The following SGMS1 variants were observed in gnomAD, a reference collection of about 807,000 sequenced individuals.
The protein encoded by SGMS1 is phosphatidylcholine:ceramide cholinephosphotransferase 1.
A neutral mutation model predicts 46.2 loss-of-function variants in SGMS1; 13 were observed. The ratio of observed to expected loss-of-function variants is 0.28; its 90% CI spans 0.18 to 0.45. The LOEUF (loss-of-function observed/expected upper bound fraction) is 0.45, where lower values mean the gene tolerates loss of function less well. Ranked by LOEUF, SGMS1 falls within the 20% of genes least tolerant of loss-of-function variation. SGMS1 has a pLI of 1.00. For missense variants in SGMS1, 324 were observed against 519.9 expected, an observed-to-expected ratio of 0.62 and a Z score of 3.66; for synonymous variants, 203 against 187.8, an observed-to-expected ratio of 1.08 and a Z score of -0.66.
chr10:50,389,140 A>G (rs1848728593), intron 6 of SGMS1, among the ~76,000 whole-genome samples: 2 of 152,192 alleles, frequency 1.3e-5, no homozygotes. Flanking sequence ...AAAAATATCA[A>G]CTGTCTTCCT....
chr10:50,319,709 C>T (rs1324308969), intron 8 of SGMS1, among the ~76,000 whole-genome samples: 1 of 152,138 alleles, frequency 6.6e-6, no homozygotes, highest in Non-Finnish European at 1.5e-5. Flanking sequence ...GGAGTATTCC[C>T]GAGATGATGC....
intron 3 of SGMS1, among the ~76,000 whole-genome samples, chr10:50,491,412 C>T (rs1380490897): frequency 6.6e-6 from 1 of 152,150 alleles, no homozygotes; most frequent in Non-Finnish European, 1.5e-5. Flanking sequence ...CTAATAGATA[C>T]TCAGCACATT....
intron 9 of SGMS1, among the ~76,000 whole-genome samples, chr10:50,309,844 C>T (rs1468325300): frequency 9.2e-5 from 14 of 152,146 alleles, no homozygotes. Context: ...CATAATCCAT[C>T]CTGTTATCTG....
chr10:50,621,690 C>T (rs1050896727), intron 1 of SGMS1, among the ~76,000 whole-genome samples: 15 of 152,136 alleles, frequency 9.9e-5, no homozygotes, highest in Non-Finnish European at 1.6e-4. Flanking sequence ...AAAAAGTTTC[C>T]GGAAATTTCA....
intron 6 of SGMS1, among the ~76,000 whole-genome samples, chr10:50,352,798 T>C (rs1351803266): frequency 2.0e-5 from 3 of 152,180 alleles, no homozygotes; most frequent in African/African-American, 2.4e-5. Context: ...CATCAGAGAA[T>C]ACTATAAACA....
intron 1 of SGMS1, among the ~76,000 whole-genome samples, chr10:50,602,732 G>A (rs1838659998): frequency 6.6e-6 from 1 of 152,110 alleles, no homozygotes; most frequent in Non-Finnish European, 1.5e-5. Context: ...GGATATATAT[G>A]CATTTATTGT....
intron 2 of SGMS1, among the ~76,000 whole-genome samples, chr10:50,587,181 T>G (rs1382045833): frequency 1.3e-5 from 2 of 152,116 alleles, no homozygotes; most frequent in Non-Finnish European, 2.9e-5. Flanking sequence ...TGGTTTGAAC[T>G]GTAAGGGGCC....
intron 3 of SGMS1, among the ~76,000 whole-genome samples, chr10:50,511,252 C>CACACACACACAG (rs1236062965): frequency 3.0e-5 from 4 of 135,560 alleles, no homozygotes; most frequent in Non-Finnish European, 4.7e-5. Context: ...CATTCATACA[C>CACACACACACAG]ACACACACAC....
chr10:50,539,405 A>G (rs2133816178), intron 2 of SGMS1, among the ~76,000 whole-genome samples: 2 of 152,336 alleles, frequency 1.3e-5, no homozygotes, highest in Middle Eastern at 3.4e-3. Context: ...GTTGGCATTG[A>G]TATGTTTTCT....
chr10:50,459,438 T>C (rs1837236884), intron 5 of SGMS1, among the ~76,000 whole-genome samples: 1 of 152,176 alleles, frequency 6.6e-6, no homozygotes, highest in Admixed American at 6.5e-5. Flanking sequence ...AGTTTCACTC[T>C]TGTTGCCCAG....
intron 8 of SGMS1, among the ~76,000 whole-genome samples, chr10:50,319,116 T>C (rs530642050): frequency 1.2e-4 from 18 of 148,346 alleles, no homozygotes; most frequent in Non-Finnish European, 2.1e-4. Flanking sequence ...CTTTAAGTGT[T>C]GGAGGATCCT....
chr10:50,426,950 C>CTGG (rs1849333694), intron 6 of SGMS1, among the ~76,000 whole-genome samples: 1 of 152,164 alleles, frequency 6.6e-6, no homozygotes, highest in Non-Finnish European at 1.5e-5. Flanking sequence ...TAACAATGAA[C>CTGG]TCCATTTCAT....
chr10:50,369,796 C>T (rs766511877), intron 6 of SGMS1, among the ~76,000 whole-genome samples: 4 of 152,144 alleles, frequency 2.6e-5, no homozygotes, highest in Non-Finnish European at 4.4e-5. Flanking sequence ...CACTTCACGA[C>T]GAGATACCTT....
chr10:50,320,535 A>G (rs1182262429), intron 8 of SGMS1, among the ~76,000 whole-genome samples: 1 of 152,190 alleles, frequency 6.6e-6, no homozygotes, highest in African/African-American at 2.4e-5. Context: ...ATGTGATCAA[A>G]TAATGCCCCT....
intron 7 of SGMS1, among the ~76,000 whole-genome samples, chr10:50,330,598 G>T (rs1441684747): frequency 6.6e-6 from 1 of 152,194 alleles, no homozygotes; most frequent in African/African-American, 2.4e-5. Flanking sequence ...CTAATCCACA[G>T]TAGGAAGACA....
rs1272077990 is a variant in SGMS1, at chr10:50,460,716, A to G, written c.-356T>C. The stretch of plus-strand genomic sequence containing the variant: ...TGCATTTATCAACAGGTTCCTTTAA[A>G]AGTATTCTCAGGTACGCTTGCTGAG... On this transcript the variant is annotated 5_prime_UTR_variant, in exon 5 of 11. Transcript: ENST00000361781. 2 of 152,262 alleles carry G rather than the reference A, an allele frequency of 1.3e-5. No individual in the cohort carries two copies. Among genetic ancestry groups the G allele is most frequent in the Non-Finnish European group, 2.9e-5 (2 of 68,022 alleles). The allele number at this position is 152,262 out of a possible 1,614,324, so 9.4% of individuals were successfully genotyped here. A position where few individuals can be genotyped will look rare whatever the true frequency, so the allele number is the denominator to read the frequency against.
At chr10:50,427,940 C>T (rs578203997) in intron 6 of SGMS1, among the ~76,000 whole-genome samples, 7 of 151,794 alleles carry the variant, frequency 4.6e-5, no homozygotes, top group African/African-American at 7.2e-5. Context: ...CTCTATCCCT[C>T]GAGATAAAAA....
intron 2 of SGMS1, among the ~76,000 whole-genome samples, chr10:50,556,806 A>G: frequency 6.6e-6 from 1 of 152,214 alleles, no homozygotes; most frequent in East Asian, 1.9e-4. Context: ...TTGCTTGCTT[A>G]GCAATCAACA....
intron 6 of SGMS1, among the ~76,000 whole-genome samples, chr10:50,376,664 T>A (rs996544636): frequency 1.6e-4 from 25 of 152,168 alleles, no homozygotes; most frequent in Non-Finnish European, 3.1e-4. Flanking sequence ...TTCCCACCTA[T>A]GAGTGAGAAC....
Sources: gnomAD v4.1 joint callset for allele counts (sites outside exome capture counted in the v4.1 genomes callset) on GRCh38, gnomAD v4.1.1 for gene constraint, MANE v1.5 for transcripts, NCBI Gene and HGNC (gene_info 2026-07-23, HGNC 2026-07-21) for gene names.